PPL: variants seen among roughly 807,000 people sequenced by gnomAD.
PPL encodes 190 kDa paraneoplastic pemphigus antigen.
Under a neutral mutation model 194.4 loss-of-function variants are expected in PPL, and 198 were observed. The ratio of observed to expected loss-of-function variants is 1.02; its 90% CI spans 0.91 to 1.15. The LOEUF is 1.15. PPL is among the 50% of genes most tolerant of loss of function. The probability of loss-of-function intolerance (pLI) is 0.00; values close to 1 mark genes in which losing one functional copy is unlikely to be tolerated. For missense variants in PPL, 2,885 were observed against 2,294.8 expected, an observed-to-expected ratio of 1.26 and a Z score of -5.25; for synonymous variants, 1,220 against 972.4, an observed-to-expected ratio of 1.25 and a Z score of -4.74.
chr16:4,896,594 G>A (rs1479201269), intron 9 of PPL, among the ~76,000 whole-genome samples: 3 of 151,976 alleles, frequency 2.0e-5, no homozygotes, highest in African/African-American at 7.3e-5. Context: ...ACCTGGGGCT[G>A]GGGGAGTGGG....
chr16:4,897,898 A>C, intron 8 of PPL, 128 bp from the exon 9 acceptor site: 1 of 699,164 alleles, frequency 1.4e-6, no homozygotes, highest in Non-Finnish European at 2.4e-6. Context: ...GGGTGTGGCT[A>C]CCACAGGGGT....
chr16:4,883,749 G>C lies in PPL; in HGVS notation c.4906C>G (p.Leu1636Val). 6.2e-7 allele frequency: 1 copy of C among 1,614,038 alleles called. No individual in the cohort carries two copies. The highest frequency in any genetic ancestry group is 1.1e-5 in the South Asian group (1 of 91,086). Residue 1636 changes from leucine (L) to valine (V), a missense_variant, in exon 22 of 22, where the codon CTG becomes GTG. Coordinates refer to ENST00000345988, the MANE Select transcript of PPL (RefSeq NM_002705.5). The surrounding 1 kb of genome is among the most constrained non-coding windows in gnomAD (Gnocchi z 4.8). ...SKDKDLEIDELQKRLGSVAVK... is the reference protein window; with the variant it reads ...SKDKDLEIDEVQKRLGSVAVK... ...GCCACGGAGCCCAGGCGCTTCTGCA[G>C]CTCGTCGATCTCGAGGTCTTTGTCC...
intron 11 of PPL, 137 bp downstream of exon 11, chr16:4,895,124 A>G (rs1447730866): frequency 6.1e-6 from 7 of 1,156,252 alleles, no homozygotes; most frequent in South Asian, 1.7e-5. Context: ...GGCCTGCACC[A>G]GGGGAAGGGT....
intron 1 of PPL, 102 bp downstream of exon 1, chr16:4,936,881 AC>A (rs2089306813): frequency 4.2e-6 from 5 of 1,183,064 alleles, no homozygotes; most frequent in Admixed American, 2.9e-5. Context: ...CGGTTCCTGG[AC>A]CCCCGTACCC....
At chr16:4,913,395 C>T (rs1207359905) in intron 1 of PPL, among the ~76,000 whole-genome samples, 2 of 152,172 alleles carry the variant, frequency 1.3e-5, no homozygotes, top group Non-Finnish European at 2.9e-5. Context: ...GAGTAACAGT[C>T]CTTTCCCGGG....
At position 4,890,778 on chromosome 16, in the gene PPL, C is replaced by T. The variant is rs1482805990; in HGVS notation, c.2112G>A (p.Val704=). The T allele has an allele frequency of 1.2e-6, 2 of 1,609,184 alleles. No individual in the cohort carries two copies. Among genetic ancestry groups the T allele is most frequent in the East Asian group, 2.2e-5 (1 of 44,758 alleles). The part of the protein sequence containing the change: ...CPDLERQEAE[V]HKLGQRFNNL... Reference sequence around the variant, plus strand: ...TGTTGAAACGCTGGCCCAGCTTGTGCACCTCGGCCTCCTGGCGCTCCAGGT... The same window carrying T: ...TGTTGAAACGCTGGCCCAGCTTGTGTACCTCGGCCTCCTGGCGCTCCAGGT... Residue 704 remains valine (V), a synonymous_variant, in exon 17 of 22, where the codon GTG becomes GTA. Coordinates refer to ENST00000345988, the MANE Select transcript of PPL (RefSeq NM_002705.5).
chr16:4,904,451 A>C (rs1596562038), intron 2 of PPL, among the ~76,000 whole-genome samples: 1 of 152,118 alleles, frequency 6.6e-6, no homozygotes, highest in East Asian at 1.9e-4. Flanking sequence ...AAGTCCCTCC[A>C]AGTCAGTGTT....
intron 1 of PPL, among the ~76,000 whole-genome samples, chr16:4,932,291 C>A (rs1226051879): frequency 6.6e-6 from 1 of 152,240 alleles, no homozygotes; most frequent in Non-Finnish European, 1.5e-5. Flanking sequence ...TAAGCTGTTA[C>A]CCACATGGGT....
rs2088347302 is a variant in PPL, at chr16:4,892,926, G to C, written c.1650+287C>G. On this transcript the variant is annotated intron_variant, in intron 14 of 21. Transcript: ENST00000345988. Reference sequence around the variant, plus strand: ...AACGTGTTTGCAGTCAAGCCAGCCGGTGACCCAGTCCTGCGGAATTCCACA... The same window carrying C: ...AACGTGTTTGCAGTCAAGCCAGCCGCTGACCCAGTCCTGCGGAATTCCACA... 3 of 372,470 alleles carry C rather than the reference G, an allele frequency of 8.1e-6. No individual in the cohort carries two copies. The Admixed American group carries it at 1.3e-4, about 16-fold the overall frequency. The allele number at this position is 372,470 out of a possible 1,614,324, so 23.1% of individuals were successfully genotyped here.
chr16:4,895,224 T>C (rs2660246), intron 11 of PPL, 37 bp downstream of exon 11: 239,799 of 1,555,056 alleles, frequency 0.15, 21,689 homozygotes, highest in African/African-American at 0.36. Flanking sequence ...CCCAAAAACT[T>C]TGTAGTGATG....
At chr16:4,931,649 G>A (rs1342038341) in intron 1 of PPL, among the ~76,000 whole-genome samples, 2 of 152,218 alleles carry the variant, frequency 1.3e-5, no homozygotes, top group Admixed American at 6.5e-5. Flanking sequence ...GCAGCTGCAC[G>A]CTGGGAAGCC....
At position 4,922,075 on chromosome 16, in the gene PPL, C is replaced by T. The variant is rs548117084; in HGVS notation, c.63-11126G>A. On this transcript the variant is annotated intron_variant, in intron 1 of 21. Coordinates refer to ENST00000345988, the MANE Select transcript of PPL (RefSeq NM_002705.5). ...TTTAATTTTGTGCGGGTGCCACTGG[C>T]ACTTTCTTTCAGCTGGAAGGGCAGT... is the stretch of plus-strand genomic sequence containing the variant. 1.1e-4 allele frequency among the ~76,000 whole-genome samples: 17 copies of T among 152,304 alleles called. No individual in the cohort carries two copies. In the South Asian group the frequency reaches 3.5e-3, roughly 32 times the overall value.
Position 4,883,820 on chromosome 16 carries a change from A to C in PPL, c.4835T>G (p.Leu1612Arg), listed in dbSNP as rs1467907731. 1 of 1,613,928 alleles carries C rather than the reference A, an allele frequency of 6.2e-7. No homozygotes were observed. Among genetic ancestry groups the C allele is most frequent in the South Asian group, 1.1e-5 (1 of 91,080 alleles). Residue 1612 changes from leucine (L) to arginine (R), a missense_variant, in exon 22 of 22, where the codon CTG becomes CGG. Leu to Arg is a moderately radical substitution (Grantham distance 102). Coordinates refer to ENST00000345988, the MANE Select transcript of PPL (RefSeq NM_002705.5). The surrounding 1 kb of genome is among the most constrained non-coding windows in gnomAD (Gnocchi z 4.8). ...ADSGTNHDSRLWSLERELDDL... is the reference protein window; with the variant it reads ...ADSGTNHDSRRWSLERELDDL... ...ATCCAGTTCCCTCTCCAGGGACCAC[A>C]GTCTGGAGTCATGGTTGGTCCCAGA... is the stretch of plus-strand genomic sequence containing the variant.
rs200267681 is a variant in PPL, at chr16:4,892,157, C to G, written c.1707G>C (p.Glu569Asp). The G allele has an allele frequency of 2.2e-5, 35 of 1,613,820 alleles. No individual in the cohort carries two copies. The Admixed American group carries it at 4.0e-4, about 18-fold the overall frequency. The change falls in exon 15 of 22, where the codon GAG becomes GAC. Residue 569 changes from glutamate (E) to aspartate (D), a missense_variant. Glu to Asp is a conservative substitution (Grantham distance 45). Transcript: ENST00000345988. The stretch of plus-strand genomic sequence containing the variant: ...GGAGGGCCTGGATGAAGGCTTCGCC[C>G]TCAGCCGTGCTCCGCGTCTTCTCAG... ...IEPEKTRSTA[E>D]GEAFIQALPG...
chr16:4,894,202 G>A (rs2088374715), intron 12 of PPL, among the ~76,000 whole-genome samples: 1 of 152,206 alleles, frequency 6.6e-6, no homozygotes, highest in Admixed American at 6.5e-5. Flanking sequence ...AGCAGTGCGT[G>A]CGGGAGTCAG....
In PPL at chr16:4,885,711, C is replaced by T; in HGVS notation, c.2944G>A (p.Glu982Lys). Reference sequence around the variant, plus strand: ...TGCCCCCCGTCTCTGGTCTCCTGCTCCAGGGCACGCAGCTGCAGCTGCAGT... The same window carrying T: ...TGCCCCCCGTCTCTGGTCTCCTGCTTCAGGGCACGCAGCTGCAGCTGCAGT... ...EALQLQLRAL[E>K]QETRDGGQEY... The change falls in exon 22 of 22, where the codon GAG becomes AAG. Residue 982 changes from glutamate to lysine, a missense_variant. Transcript: ENST00000345988. This position sits in a 1 kb window ranked among gnomAD's most constrained non-coding sequence, Gnocchi z 6.3. 6.2e-7 allele frequency: 1 copy of T among 1,613,534 alleles called. No homozygotes were observed. Among genetic ancestry groups the T allele is most frequent in the Non-Finnish European group, 8.5e-7 (1 of 1,180,010 alleles).
chr16:4,899,930 G>T (rs1440506809), intron 6 of PPL, among the ~76,000 whole-genome samples: 1 of 152,152 alleles, frequency 6.6e-6, no homozygotes, highest in Non-Finnish European at 1.5e-5. Context: ...GGTACGTGGG[G>T]CCCTCCACGC....
intron 1 of PPL, among the ~76,000 whole-genome samples, chr16:4,928,309 C>T (rs1297753732): frequency 6.6e-6 from 1 of 152,250 alleles, no homozygotes; most frequent in Non-Finnish European, 1.5e-5. Flanking sequence ...TGGTCTCCAA[C>T]ACCTGACCTT....
chr16:4,918,615 A>T (rs2088974989), intron 1 of PPL, among the ~76,000 whole-genome samples: 1 of 152,174 alleles, frequency 6.6e-6, no homozygotes, highest in Admixed American at 6.5e-5. Flanking sequence ...ACAGATGGGG[A>T]AATTGAGGTA....
Sources: gnomAD v4.1 joint callset for allele counts (sites outside exome capture counted in the v4.1 genomes callset) on GRCh38, gnomAD v4.1.1 for gene constraint, Gnocchi (gnomAD v3.1) non-coding constraint, MANE v1.5 for transcripts, NCBI Gene and HGNC (gene_info 2026-07-23, HGNC 2026-07-21) for gene names.